Variants in TXNIP observed in about 807,000 individuals in gnomAD.
TXNIP encodes the protein thioredoxin interacting protein.
In TXNIP, 23 loss-of-function variants were observed where a neutral mutation model predicts 43.9. The ratio of observed to expected loss-of-function variants is 0.52; its 90% CI spans 0.38 to 0.74. TXNIP has a LOEUF of 0.74. Ranked by LOEUF, TXNIP falls within the 30% of genes least tolerant of loss-of-function variation. The pLI is 0.00. For synonymous variants in TXNIP, 234 were observed against 172.2 expected (o/e 1.36, Z -2.81); for missense variants, 555 against 485.4 (o/e 1.14, Z -1.35).
chr1:145,995,419 A>G lies in TXNIP; in HGVS notation c.308T>C (p.Phe103Ser). The G allele has an allele frequency of 6.2e-7, 1 of 1,613,956 alleles. No homozygotes were observed. Among genetic ancestry groups the G allele is most frequent in the Non-Finnish European group, 8.5e-7 (1 of 1,179,934 alleles). Reference protein sequence around the residue: ...PGNKYEYKFGFELPQGPLGTS... With the variant: ...PGNKYEYKFGSELPQGPLGTS... ...TGATATTTACCCCTGAGGAAGCTCA[A>G]AGCCGAACTTGTACTCATATTTGTT... The change falls in exon 2 of 8, where the codon TTT (phenylalanine) becomes TCT (serine). Residue 103 changes from phenylalanine (F) to serine (S), a missense_variant. Coordinates refer to ENST00000582401, the MANE Select transcript of TXNIP (RefSeq NM_006472.6).
In TXNIP at chr1:145,994,452, G is replaced by A. The variant is rs781891928; in HGVS notation, c.832-15C>T. ...CTAACATAGATCTAGAAAGGAAGAT[G>A]GCAGTTTATTACACCAGAGGTCTGG... On this transcript the variant is annotated splice_polypyrimidine_tract_variant and intron_variant, in intron 5 of 7. Transcript: ENST00000582401. 40 of 1,613,340 alleles carry A rather than the reference G, an allele frequency of 2.5e-5. No individual in the cohort carries two copies. Among genetic ancestry groups the A allele is most frequent in the Non-Finnish European group, 2.9e-5 (34 of 1,179,672 alleles).
rs1651538248 is a variant in TXNIP, at chr1:145,996,408, T to G, written c.-142A>C. The G allele has an allele frequency of 1.9e-6, 2 of 1,060,630 alleles. No individual in the cohort carries two copies. The allele number at this position is 1,060,630 out of a possible 1,614,324, so 65.7% of individuals were successfully genotyped here. A position where few individuals can be genotyped will look rare whatever the true frequency, so the allele number is the denominator to read the frequency against. ...AAGCAGTTTGAGCTTAAAAATAAAATAAGATTTAAACAAATGAATATTAAC... is the reference window on the plus strand; with the variant it reads ...AAGCAGTTTGAGCTTAAAAATAAAAGAAGATTTAAACAAATGAATATTAAC... On this transcript the variant is annotated 5_prime_UTR_variant, in exon 1 of 8. Coordinates refer to ENST00000582401, the MANE Select transcript of TXNIP (RefSeq NM_006472.6).
In TXNIP at chr1:145,995,277, G is replaced by A. The variant is rs782567229; in HGVS notation, c.338C>T (p.Ser113Phe). ...FELPQGPLGT[S>F]FKGKYGCVDY... ...TACACACCCATATTTTCCTTTGAAG[G>A]ATGTTCCCAGAGGCCTGTGTCAAGA... Residue 113 changes from serine (S) to phenylalanine (F), a missense_variant, in exon 3 of 8, where the codon TCC becomes TTC. Transcript: ENST00000582401. 1.2e-6 allele frequency: 2 copies of A among 1,613,894 alleles called. No homozygotes were observed. Among genetic ancestry groups the A allele is most frequent in the African/African-American group, 1.3e-5 (1 of 74,912 alleles).
Position 145,994,732 on chromosome 1 carries a change from TGGCAGCTTTG to T in TXNIP, c.633_642del (p.Lys212LeufsTer16), listed in dbSNP as rs1651380473. ...GCAAGGTAAGTGTGGCGGGCCACAA[TGGCAGCTTTG>T]GGGACCACAATTCGGGAACATGTAT... On this transcript the variant is annotated frameshift_variant, in exon 5 of 8. Coordinates refer to ENST00000582401, the MANE Select transcript of TXNIP (RefSeq NM_006472.6). LOFTEE classifies it high-confidence loss of function. 1 of 1,614,098 alleles carries T rather than the reference TGGCAGCTTTG, an allele frequency of 6.2e-7. No homozygotes were observed. The highest frequency in any genetic ancestry group is 8.5e-7 in the Non-Finnish European group (1 of 1,180,044).
chr1:145,995,861 G>A (rs998513917), intron 1 of TXNIP, 156 bp downstream of exon 1: 14 of 919,600 alleles, frequency 1.5e-5, no homozygotes, highest in Middle Eastern at 3.4e-4. Flanking sequence ...GGGGGGGGAG[G>A]AGAATGTCTG....
rs182339054 is a variant in TXNIP, at chr1:145,993,558, G to T, written c.*293C>A. The T allele has an allele frequency of 4.3e-4, 135 of 311,016 alleles. 1 individual carries two copies. The highest frequency in any genetic ancestry group is 2.9e-3 in the Middle Eastern group (3 of 1,018). 19.3% of individuals were successfully genotyped at this position (311,016 alleles called of 1,614,324 possible). A position where few individuals can be genotyped will look rare whatever the true frequency, so the allele number is the denominator to read the frequency against. ...TACCTGACCCGAAACTATCGAAAAG[G>T]CCTCAATTTTCAAGGAGATCTGAGA... is the stretch of plus-strand genomic sequence containing the variant. On this transcript the variant is annotated 3_prime_UTR_variant, in exon 8 of 8. Coordinates refer to ENST00000582401, the MANE Select transcript of TXNIP (RefSeq NM_006472.6).
rs1286559104 is a variant in TXNIP, at chr1:145,993,900, C to T, written c.1141-14G>A. ...GCAGGGATCCACCTAAAGAAAGAAACAGACTATTTCAGTTCAGGTAAGAAC... is the reference window on the plus strand; with the variant it reads ...GCAGGGATCCACCTAAAGAAAGAAATAGACTATTTCAGTTCAGGTAAGAAC... On this transcript the variant is annotated splice_polypyrimidine_tract_variant and intron_variant, in intron 7 of 7. Transcript: ENST00000582401. 3.0e-5 allele frequency: 49 copies of T among 1,613,488 alleles called. No homozygotes were observed. The highest frequency in any genetic ancestry group is 4.0e-5 in the Non-Finnish European group (47 of 1,179,854).
Position 145,994,031 on chromosome 1 carries a change from T to TG in TXNIP, c.1124dup (p.Pro376ThrfsTer5). 6.2e-7 allele frequency: 1 copy of TG among 1,614,178 alleles called. No homozygotes were observed. Among genetic ancestry groups the TG allele is most frequent in the Non-Finnish European group, 8.5e-7 (1 of 1,180,034 alleles). On this transcript the variant is annotated frameshift_variant, in exon 7 of 8. Coordinates refer to ENST00000582401, the MANE Select transcript of TXNIP (RefSeq NM_006472.6). LOFTEE classifies it high-confidence loss of function. ...CAATCCTCACCTCAGTATAAGTCGG[T>TG]GGTGGCATGAACTTGAACTCAGGGG...
chr1:145,995,129 TA>T lies in TXNIP; in HGVS notation c.471+14del, dbSNP rs782077008. 1.2e-6 allele frequency: 2 copies of T among 1,613,936 alleles called. No individual in the cohort carries two copies. The highest frequency in any genetic ancestry group is 1.7e-5 in the Admixed American group (1 of 59,994). Reference sequence around the variant, plus strand: ...TCATGACCCAGGAGAATAGAATCTTTAAAATGGATCTCACCATTAAATCAGG... The same window carrying T: ...TCATGACCCAGGAGAATAGAATCTTTAAATGGATCTCACCATTAAATCAGG... On this transcript the variant is annotated intron_variant, in intron 3 of 7. Coordinates refer to ENST00000582401, the MANE Select transcript of TXNIP (RefSeq NM_006472.6).
chr1:145,993,704 G>T lies in TXNIP; in HGVS notation c.*147C>A. 1.2e-6 allele frequency: 1 copy of T among 869,558 alleles called. No homozygotes were observed. 53.9% of individuals were successfully genotyped at this position (869,558 alleles called of 1,614,324 possible). A position where few individuals can be genotyped will look rare whatever the true frequency, so the allele number is the denominator to read the frequency against. The stretch of plus-strand genomic sequence containing the variant: ...TCCTTTAAGGCCCAGGAGATTGCCT[G>T]CTGACCACCTCCTACATTAGGAAGT... On this transcript the variant is annotated 3_prime_UTR_variant, in exon 8 of 8. Transcript: ENST00000582401.
At chr1:145,994,488 C>T (rs1401891211) in intron 5 of TXNIP, 51 bp from the exon 6 acceptor site, 6 of 1,613,110 alleles carry the variant, frequency 3.7e-6, no homozygotes, top group Non-Finnish European at 5.1e-6. Flanking sequence ...AGAAACAAGA[C>T]AGCTGTGGTA....
Position 145,995,281 on chromosome 1 carries a change from T to C in TXNIP, c.334A>G (p.Thr112Ala). Reference sequence around the variant, plus strand: ...CACCCATATTTTCCTTTGAAGGATGTTCCCAGAGGCCTGTGTCAAGAAAAT... The same window carrying C: ...CACCCATATTTTCCTTTGAAGGATGCTCCCAGAGGCCTGTGTCAAGAAAAT... ...GFELPQGPLG[T>A]SFKGKYGCVD... Residue 112 changes from threonine (T) to alanine (A), a missense_variant, in exon 3 of 8, where the codon ACA becomes GCA. Transcript: ENST00000582401. The C allele has an allele frequency of 2.5e-6, 4 of 1,613,648 alleles. No individual in the cohort carries two copies. Among genetic ancestry groups the C allele is most frequent in the Non-Finnish European group, 3.4e-6 (4 of 1,179,590 alleles).
chr1:145,993,892 G>C lies in TXNIP; in HGVS notation c.1141-6C>G. 2 of 1,614,060 alleles carry C rather than the reference G, an allele frequency of 1.2e-6. No individual in the cohort carries two copies. Among genetic ancestry groups the C allele is most frequent in the Non-Finnish European group, 1.7e-6 (2 of 1,179,996 alleles). On this transcript the variant is annotated splice_polypyrimidine_tract_variant and splice_region_variant and intron_variant, in intron 7 of 7. Coordinates refer to ENST00000582401, the MANE Select transcript of TXNIP (RefSeq NM_006472.6). Reference sequence around the variant, plus strand: ...TTGAGGATGCAGGGATCCACCTAAAGAAAGAAACAGACTATTTCAGTTCAG... The same window carrying C: ...TTGAGGATGCAGGGATCCACCTAAACAAAGAAACAGACTATTTCAGTTCAG...
chr1:145,996,422 A>G lies in TXNIP; in HGVS notation c.-156T>C. On this transcript the variant is annotated 5_prime_UTR_variant, in exon 1 of 8. Coordinates refer to ENST00000582401, the MANE Select transcript of TXNIP (RefSeq NM_006472.6). ...TAAAAATAAAATAAGATTTAAACAA[A>G]TGAATATTAACTACTAGGTTTTCGA... The G allele has an allele frequency of 3.3e-6, 3 of 910,198 alleles. No homozygotes were observed. The highest frequency in any genetic ancestry group is 4.8e-6 in the Non-Finnish European group (3 of 621,796). 56.4% of individuals were successfully genotyped at this position (910,198 alleles called of 1,614,324 possible). A position where few individuals can be genotyped will look rare whatever the true frequency, so the allele number is the denominator to read the frequency against.
In TXNIP at chr1:145,993,797, G is replaced by T; in HGVS notation, c.*54C>A. On this transcript the variant is annotated 3_prime_UTR_variant, in exon 8 of 8. Coordinates refer to ENST00000582401, the MANE Select transcript of TXNIP (RefSeq NM_006472.6). ...AGTCTCTGAAAAAGTGAGTGTCCAG[G>T]AAGAGAGACAAAAAGAAACAAGTAG... is the stretch of plus-strand genomic sequence containing the variant. 6.2e-7 allele frequency: 1 copy of T among 1,607,068 alleles called. No individual in the cohort carries two copies. Among genetic ancestry groups the T allele is most frequent in the Non-Finnish European group, 8.5e-7 (1 of 1,174,662 alleles).
rs149772663 is a variant in TXNIP, at chr1:145,996,454, G to T, written c.-188C>A. On this transcript the variant is annotated 5_prime_UTR_variant, in exon 1 of 8. Coordinates refer to ENST00000582401, the MANE Select transcript of TXNIP (RefSeq NM_006472.6). Reference sequence around the variant, plus strand: ...TTAACTACTAGGTTTTCGAAAAGGCGCCTAAAAAATATACGCCGCTGGTTA... The same window carrying T: ...TTAACTACTAGGTTTTCGAAAAGGCTCCTAAAAAATATACGCCGCTGGTTA... The T allele has an allele frequency of 1.5e-4, 98 of 644,348 alleles. No individual in the cohort carries two copies. The highest frequency in any genetic ancestry group is 2.2e-4 in the Admixed American group (6 of 27,604). The allele number at this position is 644,348 out of a possible 1,614,324, so 39.9% of individuals were successfully genotyped here.
intron 1 of TXNIP, 93 bp from the exon 2 acceptor site, chr1:145,995,569 A>AT (rs781965555): frequency 3.2e-5 from 36 of 1,121,304 alleles, no homozygotes; most frequent in Non-Finnish European, 4.2e-5. Flanking sequence ...CATGCAAGGT[A>AT]TTGAAGTACC....
chr1:145,995,347 A>AG, intron 2 of TXNIP, 56 bp from the exon 3 acceptor site: 1 of 1,610,366 alleles, frequency 6.2e-7, no homozygotes, highest in Admixed American at 1.7e-5. Context: ...AAGTGATCAA[A>AG]GGAGGGCAAG....
rs1553766398 is a variant in TXNIP at position 145,995,565 on chromosome 1, A to C, written c.251-89T>G. On this transcript the variant is annotated intron_variant, in intron 1 of 7. Coordinates refer to ENST00000582401, the MANE Select transcript of TXNIP (RefSeq NM_006472.6). ...ATAAGGAATGCTTGGGTGGCATGCA[A>C]GGTATTGAAGTACCCCCAATTTCAT... 5 of 1,155,160 alleles carry C rather than the reference A, an allele frequency of 4.3e-6. No individual in the cohort carries two copies. The Admixed American group carries it at 8.6e-5, about 20-fold the overall frequency. The allele number at this position is 1,155,160 out of a possible 1,614,324, so 71.6% of individuals were successfully genotyped here. A position where few individuals can be genotyped will look rare whatever the true frequency, so the allele number is the denominator to read the frequency against.
Sources: gnomAD v4.1 joint callset for allele counts on GRCh38, gnomAD v4.1.1 for gene constraint, MANE v1.5 for transcripts, NCBI Gene and HGNC (gene_info 2026-07-23, HGNC 2026-07-21) for gene names.